NAALADL2: variants seen among roughly 807,000 people sequenced by gnomAD.
NAALADL2 encodes the protein inactive N-acetylated-alpha-linked acidic dipeptidase-like protein 2.
In NAALADL2, 76 loss-of-function variants were observed where a neutral mutation model predicts 87.2. The ratio of observed to expected loss-of-function variants is 0.87; its 90% CI spans 0.72 to 1.05. The LOEUF (loss-of-function observed/expected upper bound fraction) is 1.05, where lower values mean the gene tolerates loss of function less well. Among genes scored for constraint, NAALADL2 ranks in the 50% least tolerant of loss-of-function variants. NAALADL2 has a pLI of 0.00. For synonymous variants in NAALADL2, 354 were observed against 331.0 expected, an observed-to-expected ratio of 1.07 and a Z score of -0.75; for missense variants, 1,089 against 945.8, an observed-to-expected ratio of 1.15 and a Z score of -1.99.
chr3:174,641,757 AG>A (rs1467628940), intron 2 of NAALADL2, among the ~76,000 whole-genome samples: 1 of 106,006 alleles, frequency 9.4e-6, no homozygotes, highest in Non-Finnish European at 2.3e-5. Flanking sequence ...TCCTTTTTTC[AG>A]AAATTTTTTT....
intron 5 of NAALADL2, among the ~76,000 whole-genome samples, chr3:175,324,825 C>T (rs1200012078): frequency 6.6e-6 from 1 of 152,136 alleles, no homozygotes; most frequent in Non-Finnish European, 1.5e-5. Flanking sequence ...GAGAAGGGAC[C>T]TCATTGTTTT....
At chr3:174,943,017 C>T (rs1738845750) in intron 1 of NAALADL2, among the ~76,000 whole-genome samples, 1 of 152,148 alleles carries the variant, frequency 6.6e-6, no homozygotes, top group African/African-American at 2.4e-5. Context: ...TATACGTATT[C>T]CAAATTCTAT....
At chr3:175,699,403 G>C (rs1738662109) in intron 11 of NAALADL2, among the ~76,000 whole-genome samples, 1 of 151,980 alleles carries the variant, frequency 6.6e-6, no homozygotes. Context: ...TCTGTCTTAA[G>C]TTTGCTAACA....
intron 2 of NAALADL2, among the ~76,000 whole-genome samples, chr3:174,626,870 G>A (rs990542323): frequency 6.6e-6 from 1 of 151,962 alleles, no homozygotes; most frequent in African/African-American, 2.4e-5. Context: ...GCTGATATGA[G>A]ACACACATTT....
chr3:174,834,982 T>C (rs1723159924), intron 3 of NAALADL2, among the ~76,000 whole-genome samples: 1 of 151,888 alleles, frequency 6.6e-6, no homozygotes, highest in Non-Finnish European at 1.5e-5. Context: ...TAGTCCAAAA[T>C]ATGAAATTTT....
At chr3:175,324,371 A>G in intron 5 of NAALADL2, 46 bp downstream of exon 5, 1 of 1,482,758 alleles carries the variant, frequency 6.7e-7, no homozygotes. Context: ...TAAGCATTAC[A>G]AGGTTGCAAT....
At chr3:175,502,922 TTC>T (rs1376476219) in intron 9 of NAALADL2, among the ~76,000 whole-genome samples, 2 of 127,054 alleles carry the variant, frequency 1.6e-5, no homozygotes, top group Non-Finnish European at 3.1e-5. Context: ...GAGATTTTTT[TTC>T]TCTTTTTTTT....
chr3:175,647,810 A>C (rs1158121295), intron 11 of NAALADL2, among the ~76,000 whole-genome samples: 1 of 152,190 alleles, frequency 6.6e-6, no homozygotes, highest in Non-Finnish European at 1.5e-5. Context: ...CTTCTTTGAC[A>C]GTTACTATGG....
At chr3:175,646,121 CTTTT>C (rs1420362035) in intron 11 of NAALADL2, among the ~76,000 whole-genome samples, 1 of 151,974 alleles carries the variant, frequency 6.6e-6, no homozygotes, top group African/African-American at 2.4e-5. Context: ...AAGTCTCCAT[CTTTT>C]TTGTCTTTTT....
intron 9 of NAALADL2, among the ~76,000 whole-genome samples, chr3:175,560,553 A>T (rs889572384): frequency 6.6e-6 from 1 of 151,892 alleles, no homozygotes; most frequent in East Asian, 1.9e-4. Flanking sequence ...GTTCTTTCAG[A>T]TGCATCATTA....
intron 2 of NAALADL2, among the ~76,000 whole-genome samples, chr3:174,667,760 AG>A (rs1158082121): frequency 6.6e-5 from 10 of 151,870 alleles, no homozygotes; most frequent in Non-Finnish European, 1.5e-4. Context: ...GGTGAAGGGG[AG>A]GTTAAAGGTT....
chr3:175,398,384 G>A (rs1770108660), intron 5 of NAALADL2, among the ~76,000 whole-genome samples: 1 of 140,956 alleles, frequency 7.1e-6, no homozygotes, highest in Non-Finnish European at 1.5e-5. Flanking sequence ...TTGCAAGCAC[G>A]GATTGCCCCG....
At chr3:174,892,774 A>G (rs139761832) in intron 1 of NAALADL2, among the ~76,000 whole-genome samples, 98 of 152,040 alleles carry the variant, frequency 6.4e-4, no homozygotes, top group Non-Finnish European at 1.1e-3. Context: ...AATACAAAAA[A>G]TTAGCCAGGT....
rs190041466 is a variant in NAALADL2 at position 175,780,810 on chromosome 3, G to A, written c.2190-22195G>A. Among the ~76,000 whole-genome samples the A allele has an allele frequency of 1.1e-3, 165 of 152,224 alleles. 2 individuals are homozygous for A. Among genetic ancestry groups the A allele is most frequent in the African/African-American group, 3.9e-3 (160 of 41,542 alleles). On this transcript the variant is annotated intron_variant, in intron 13 of 13. Transcript: ENST00000454872. ...TAACATGTCAAGATTTTAAGAATAGGCATCATTAAAAATGTTCTGCGATAA... is the reference window on the plus strand; with the variant it reads ...TAACATGTCAAGATTTTAAGAATAGACATCATTAAAAATGTTCTGCGATAA...
chr3:175,187,073 A>G (rs1354168833), intron 2 of NAALADL2, among the ~76,000 whole-genome samples: 1 of 152,142 alleles, frequency 6.6e-6, no homozygotes, highest in Admixed American at 6.5e-5. Context: ...TTTCTGGTAG[A>G]CACTGCAATT....
chr3:175,800,436 A>G (rs1754012321), intron 13 of NAALADL2, among the ~76,000 whole-genome samples: 1 of 151,956 alleles, frequency 6.6e-6, no homozygotes, highest in African/African-American at 2.4e-5. Flanking sequence ...TACAATGCTA[A>G]GTTTACTCAT....
chr3:175,532,164 T>TAA (rs1332726210), intron 9 of NAALADL2, among the ~76,000 whole-genome samples: 2 of 152,136 alleles, frequency 1.3e-5, no homozygotes, highest in African/African-American at 4.8e-5. Context: ...ACACCTGAGC[T>TAA]AAAACTCCAT....
chr3:175,712,260 A>G (rs1251525041), intron 11 of NAALADL2, among the ~76,000 whole-genome samples: 1 of 152,050 alleles, frequency 6.6e-6, no homozygotes, highest in Admixed American at 6.6e-5. Context: ...TGACATTTCA[A>G]TGAGATTAAT....
At chr3:174,849,949 G>T (rs1441297799) in intron 3 of NAALADL2, among the ~76,000 whole-genome samples, 3 of 152,008 alleles carry the variant, frequency 2.0e-5, no homozygotes, top group African/African-American at 7.2e-5. Flanking sequence ...CAATTAAAGT[G>T]TTATAGGATT....
Sources: allele counts gnomAD v4.1 joint callset (sites outside exome capture counted in the v4.1 genomes callset), GRCh38; gene constraint gnomAD v4.1.1; transcripts MANE v1.5; gene names NCBI Gene and HGNC (gene_info 2026-07-23, HGNC 2026-07-21).